The following MRO variants were observed in gnomAD, a reference collection of about 807,000 sequenced individuals.
The protein encoded by MRO is protein maestro.
In MRO, 28 loss-of-function variants were observed where a neutral mutation model predicts 31.0. The observed-to-expected ratio is 0.90, with a 90% CI of 0.67 to 1.24. MRO has a LOEUF of 1.24. MRO is among the 50% of genes most tolerant of loss of function. The pLI, the probability that MRO is intolerant of heterozygous loss-of-function variation, is 0.00. For missense variants in MRO, 332 were observed against 289.2 expected (o/e 1.15, Z -1.07); for synonymous variants, 108 against 108.4 (o/e 1.00, Z 0.02).
At chr18:50,821,286 CTCTGGAGG>C (rs1915292913), upstream of MRO, among the ~76,000 whole-genome samples, 6 of 152,108 alleles carry the variant, frequency 3.9e-5, no homozygotes, top group African/African-American at 1.2e-4. Context: ...AAAGGGTTAG[CTCTGGAGG>C]AGGAAGAAAG....
At chr18:50,803,198 C>T (rs1913565343) in intron 5 of MRO, among the ~76,000 whole-genome samples, 1 of 152,002 alleles carries the variant, frequency 6.6e-6, no homozygotes, top group Non-Finnish European at 1.5e-5. Context: ...TCAAAAATTC[C>T]AGGCAACCAG....
upstream of MRO, among the ~76,000 whole-genome samples, chr18:50,821,855 G>T (rs1440501960): frequency 5.9e-5 from 9 of 152,200 alleles, no homozygotes; most frequent in Non-Finnish European, 1.3e-4. Context: ...TACTTGCACT[G>T]TGCTGACCTC....
At chr18:50,809,144 C>CAAAA (rs61728184) in intron 3 of MRO, among the ~76,000 whole-genome samples, 158 bp downstream of exon 3, 33 of 99,096 alleles carry the variant, frequency 3.3e-4, no homozygotes, top group East Asian at 2.2e-3. Flanking sequence ...GACTCCGTCT[C>CAAAA]AAAAAAAAAA....
At position 50,801,329 on chromosome 18, in the gene MRO, T is replaced by C. The variant is rs1479516431; in HGVS notation, c.585+20A>G. ...TAGCATGGAGATGTCACTCTGTTGG[T>C]TGCAGAGTCAAGGTCTTACCTTGGC... is the stretch of plus-strand genomic sequence containing the variant. On this transcript the variant is annotated intron_variant, in intron 6 of 7. Coordinates refer to ENST00000398439, the MANE Select transcript of MRO (RefSeq NM_031939.6). 1 of 1,541,652 alleles carries C rather than the reference T, an allele frequency of 6.5e-7. No homozygotes were observed. Among genetic ancestry groups the C allele is most frequent in the Non-Finnish European group, 8.8e-7 (1 of 1,139,964 alleles).
At chr18:50,802,930 T>TG (rs1393442808) in intron 5 of MRO, among the ~76,000 whole-genome samples, 1 of 151,578 alleles carries the variant, frequency 6.6e-6, no homozygotes, top group African/African-American at 2.4e-5. Flanking sequence ...TGTGTGTGTG[T>TG]GTGTGTGTGT....
chr18:50,801,901 C>T (rs748946679), intron 5 of MRO, among the ~76,000 whole-genome samples: 1 of 152,174 alleles, frequency 6.6e-6, no homozygotes, highest in Non-Finnish European at 1.5e-5. Flanking sequence ...CTACTTCCTA[C>T]TCCTCTCCAT....
At chr18:50,817,575 C>A (rs563938270) in intron 2 of MRO, among the ~76,000 whole-genome samples, 3 of 151,566 alleles carry the variant, frequency 2.0e-5, no homozygotes, top group African/African-American at 7.3e-5. Flanking sequence ...CAGGGAGTGT[C>A]GGGCCTGAGC....
At chr18:50,810,868 T>A (rs919732885) in intron 2 of MRO, among the ~76,000 whole-genome samples, 7 of 152,290 alleles carry the variant, frequency 4.6e-5, no homozygotes, top group Admixed American at 1.3e-4. Context: ...ATTATTATAC[T>A]TTAAGTTCTA....
chr18:50,806,680 C>A, intron 4 of MRO, 24 bp downstream of exon 4: 4 of 1,613,594 alleles, frequency 2.5e-6, no homozygotes, highest in Non-Finnish European at 3.4e-6. Flanking sequence ...GGGGAGCTGG[C>A]TGAGCCCCAC....
upstream of MRO, among the ~76,000 whole-genome samples, chr18:50,822,872 G>A (rs1037131780): frequency 1.3e-5 from 2 of 151,990 alleles, no homozygotes; most frequent in Non-Finnish European, 2.9e-5. Context: ...CTCGGCAGGT[G>A]GGACCAACAC....
At chr18:50,815,264 G>A (rs538524992) in intron 2 of MRO, 22 of 253,442 alleles carry the variant, frequency 8.7e-5, no homozygotes, top group African/African-American at 4.8e-4. Flanking sequence ...AAGAGGTCAT[G>A]GAAGTGGATC....
At chr18:50,822,397 G>T (rs187089608), upstream of MRO, among the ~76,000 whole-genome samples, 388 of 152,264 alleles carry the variant, frequency 2.5e-3, 1 homozygote, top group South Asian at 3.9e-3. Flanking sequence ...GGAGTGCAGT[G>T]GGGGGAACTT....
intron 2 of MRO, among the ~76,000 whole-genome samples, chr18:50,814,931 C>T (rs1338535131): frequency 1.3e-5 from 2 of 151,972 alleles, no homozygotes; most frequent in African/African-American, 4.8e-5. Context: ...CATGGTGGCA[C>T]GTGCCTGTAA....
At chr18:50,802,692 A>T (rs1913464472) in intron 5 of MRO, among the ~76,000 whole-genome samples, 1 of 151,780 alleles carries the variant, frequency 6.6e-6, no homozygotes, top group Non-Finnish European at 1.5e-5. Flanking sequence ...TGCATACAGA[A>T]ATTGTCTTAG....
intron 5 of MRO, among the ~76,000 whole-genome samples, chr18:50,801,924 T>G (rs1309938071): frequency 6.6e-6 from 1 of 152,152 alleles, no homozygotes; most frequent in Non-Finnish European, 1.5e-5. Flanking sequence ...GCCACCAAAT[T>G]TTCCTCCCCA....
chr18:50,817,307 T>G (rs1349380408), intron 2 of MRO, among the ~76,000 whole-genome samples: 3 of 152,046 alleles, frequency 2.0e-5, no homozygotes, highest in Non-Finnish European at 4.4e-5. Context: ...GGTTGCACCT[T>G]CTATATCAGA....
intron 2 of MRO, among the ~76,000 whole-genome samples, chr18:50,817,417 C>T (rs1414099328): frequency 6.6e-6 from 1 of 151,996 alleles, no homozygotes; most frequent in African/African-American, 2.4e-5. Flanking sequence ...CCCTTGAGCC[C>T]AGGAGTCTGA....
rs1568122635 is a variant in MRO at position 50,798,967 on chromosome 18, TCTC to T, written c.*367_*369del. ...AAAAAACGCTTAAGGTAACAAGTAT[TCTC>T]CTAAGCCTCAGAAATTGAGTATTAA... On this transcript the variant is annotated 3_prime_UTR_variant, in exon 8 of 8. Coordinates refer to ENST00000398439, the MANE Select transcript of MRO (RefSeq NM_031939.6). 1 of 163,672 alleles carries T rather than the reference TCTC, an allele frequency of 6.1e-6. No individual in the cohort carries two copies. The highest frequency in any genetic ancestry group is 2.4e-5 in the African/African-American group (1 of 41,488). The allele number at this position is 163,672 out of a possible 1,614,324, so 10.1% of individuals were successfully genotyped here.
upstream of MRO, among the ~76,000 whole-genome samples, chr18:50,823,070 G>T (rs1452650159): frequency 6.6e-6 from 1 of 152,132 alleles, no homozygotes; most frequent in Non-Finnish European, 1.5e-5. Context: ...AAACCTGTTA[G>T]ACAGAGAGGC....
Sources: gnomAD v4.1 joint callset for allele counts (sites outside exome capture counted in the v4.1 genomes callset) on GRCh38, gnomAD v4.1.1 for gene constraint, MANE v1.5 for transcripts, NCBI Gene and HGNC (gene_info 2026-07-23, HGNC 2026-07-21) for gene names.